The following CALCOCO2 variants were observed in gnomAD, a reference collection of about 807,000 sequenced individuals.
The protein encoded by CALCOCO2 is calcium binding and coiled-coil domain 2.
In CALCOCO2, 42 loss-of-function variants were observed where a neutral mutation model predicts 62.5. The observed-to-expected ratio is 0.67, with a 90% CI of 0.53 to 0.87. The LOEUF (loss-of-function observed/expected upper bound fraction) is 0.87, where lower values mean the gene tolerates loss of function less well. Among genes scored for constraint, CALCOCO2 ranks in the 40% least tolerant of loss-of-function variants. The pLI is 0.00. For synonymous variants in CALCOCO2, 167 were observed against 173.0 expected (o/e 0.97, Z 0.27); for missense variants, 456 against 515.0 (o/e 0.89, Z 1.11).
At chr17:48,859,497 G>A (rs1253959627) in intron 10 of CALCOCO2, among the ~76,000 whole-genome samples, 1 of 151,972 alleles carries the variant, frequency 6.6e-6, no homozygotes, top group Non-Finnish European at 1.5e-5. Context: ...AGCTACTAAG[G>A]AGGCTGAGGT....
At chr17:48,854,599 T>G in intron 9 of CALCOCO2, among the ~76,000 whole-genome samples, 1 of 149,218 alleles carries the variant, frequency 6.7e-6, no homozygotes, top group African/African-American at 2.5e-5. Context: ...AGAGACGGGG[T>G]TTTGCCATGT....
intron 7 of CALCOCO2, among the ~76,000 whole-genome samples, chr17:48,852,142 G>GAAA (rs58441130): frequency 1.6e-4 from 19 of 121,390 alleles, no homozygotes; most frequent in East Asian, 4.9e-4. Context: ...TGTCTCAAGA[G>GAAA]AAAAAAAAAA....
intron 9 of CALCOCO2, 149 bp downstream of exon 9, chr17:48,853,161 T>G: frequency 1.7e-6 from 1 of 600,976 alleles, no homozygotes. Context: ...GGACAGAGAA[T>G]CTGCCATTTA....
At chr17:48,856,362 C>T in intron 10 of CALCOCO2, 175 bp downstream of exon 10, 1 of 534,872 alleles carries the variant, frequency 1.9e-6, no homozygotes, top group South Asian at 2.2e-5. Flanking sequence ...ACCACAAAAC[C>T]CTGTCTTTAT....
chr17:48,839,694 T>TTTTTTTTC (rs1480224062), intron 1 of CALCOCO2, among the ~76,000 whole-genome samples: 1 of 137,064 alleles, frequency 7.3e-6, no homozygotes, highest in African/African-American at 2.7e-5. Context: ...TTTTTTTTTT[T>TTTTTTTTC]AAACGGAGTT....
intron 5 of CALCOCO2, 114 bp downstream of exon 5, chr17:48,849,491 C>T: frequency 2.3e-6 from 2 of 854,834 alleles, no homozygotes; most frequent in Non-Finnish European, 3.7e-6. Context: ...ATACCAGTAT[C>T]TTTGAACAGG....
rs1359262931 is a variant in CALCOCO2 at position 48,841,832 on chromosome 17, A to T, written c.125A>T (p.Tyr42Phe). 1 of 1,613,722 alleles carries T rather than the reference A, an allele frequency of 6.2e-7. No individual in the cohort carries two copies. The highest frequency in any genetic ancestry group is 8.5e-7 in the Non-Finnish European group (1 of 1,179,768). ...YIPGGDVTCH[Y>F]TFTQHFIPRR... is the part of the protein sequence containing the mutation. ...CCTGGAGGGGACGTCACATGTCATTATACCTTCACCCAGCATTTCATCCCT... is the reference window on the plus strand; with the variant it reads ...CCTGGAGGGGACGTCACATGTCATTTTACCTTCACCCAGCATTTCATCCCT... Residue 42 changes from tyrosine (Y) to phenylalanine (F), a missense_variant, in exon 2 of 13, where the codon TAT (tyrosine) becomes TTT (phenylalanine). By Grantham distance (22) the Tyr-to-Phe change is conservative. Around this residue, in one of 3 missense-constraint regions of CALCOCO2, gnomAD observed 48 missense variants for 79.3 expected, o/e 0.61. Transcript: ENST00000258947.
intron 9 of CALCOCO2, 180 bp from the exon 10 acceptor site, chr17:48,855,912 A>C (rs1290806899): frequency 5.9e-6 from 2 of 339,998 alleles, no homozygotes; most frequent in African/African-American, 4.3e-5. Context: ...TCAGGCCTTC[A>C]GGTGTCTTTT....
In CALCOCO2 at chr17:48,835,818, C is replaced by T. The variant is rs112969014; in HGVS notation, c.-11+4740C>T. 2.5e-3 allele frequency among the ~76,000 whole-genome samples: 380 copies of T among 151,902 alleles called. 3 individuals are homozygous for T. The highest frequency in any genetic ancestry group is 3.7e-3 in the Non-Finnish European group (254 of 67,982). On this transcript the variant is annotated intron_variant, in intron 1 of 12. Coordinates refer to ENST00000258947, the MANE Select transcript of CALCOCO2 (RefSeq NM_005831.5). ...AGGCTGGAGTGCAATGGCATAATCT[C>T]GGCTCACTGCAACCTCCGCCTCCTG...
chr17:48,846,371 C>G (rs773464618), intron 2 of CALCOCO2: 31 of 666,730 alleles, frequency 4.6e-5, no homozygotes, highest in Non-Finnish European at 6.5e-5. Flanking sequence ...AATGATGGAG[C>G]CTAAAGCAGG....
Position 48,863,928 on chromosome 17 carries a change from G to T in CALCOCO2, c.*923G>T, listed in dbSNP as rs2040359564. 1 of 152,056 alleles carries T rather than the reference G, an allele frequency of 6.6e-6. No homozygotes were observed. Among genetic ancestry groups the T allele is most frequent in the Non-Finnish European group, 1.5e-5 (1 of 68,026 alleles). 9.4% of individuals were successfully genotyped at this position (152,056 alleles called of 1,614,324 possible). ...ATTGTGATCAAAAGGGCTATGGGAA[G>T]GGCAGACCCCGCCAATGATTTCTCT... On this transcript the variant is annotated 3_prime_UTR_variant, in exon 13 of 13. Coordinates refer to ENST00000258947, the MANE Select transcript of CALCOCO2 (RefSeq NM_005831.5).
At position 48,848,045 on chromosome 17, in the gene CALCOCO2, G is replaced by A. The variant is rs1325944986; in HGVS notation, c.181-19G>A. On this transcript the variant is annotated intron_variant, in intron 2 of 12. Transcript: ENST00000258947. ...CAGTCCCCTTTCAGGTACTAAATAA[G>A]AACTTCTTGTCATTGCAGGTGGGGT... 6.9e-7 allele frequency: 1 copy of A among 1,448,416 alleles called. No individual in the cohort carries two copies. The highest frequency in any genetic ancestry group is 9.7e-7 in the Non-Finnish European group (1 of 1,032,802). 89.7% of individuals were successfully genotyped at this position (1,448,416 alleles called of 1,614,324 possible). A position where few individuals can be genotyped will look rare whatever the true frequency, so the allele number is the denominator to read the frequency against.
At position 48,842,755 on chromosome 17, in the gene CALCOCO2, C is replaced by G. The variant is rs181752169; in HGVS notation, c.180+868C>G. On this transcript the variant is annotated intron_variant, in intron 2 of 12. Transcript: ENST00000258947. Reference sequence around the variant, plus strand: ...TCCCAGGTTCAAGCGATTCTCCTGCCTCAGCCTCCAGAGTAGCTGGGATTA... The same window carrying G: ...TCCCAGGTTCAAGCGATTCTCCTGCGTCAGCCTCCAGAGTAGCTGGGATTA... 1.1e-3 allele frequency: 166 copies of G among 152,422 alleles called. 1 individual carries two copies. The highest frequency in any genetic ancestry group is 3.8e-3 in the African/African-American group (159 of 41,534). 9.4% of individuals were successfully genotyped at this position (152,422 alleles called of 1,614,324 possible).
intron 6 of CALCOCO2, 156 bp from the exon 7 acceptor site, chr17:48,851,403 T>C (rs892850114): frequency 6.3e-6 from 4 of 630,356 alleles, no homozygotes; most frequent in Non-Finnish European, 1.1e-5. Context: ...TGCAGTTTTT[T>C]GGAGTCAGGA....
chr17:48,852,866 GGT>G, intron 8 of CALCOCO2, 58 bp from the exon 9 acceptor site: 26 of 1,273,058 alleles, frequency 2.0e-5, no homozygotes, highest in Non-Finnish European at 2.5e-5. Flanking sequence ...GCCCTTCCAT[GGT>G]GTGTGTGTGC....
chr17:48,853,028 G>T lies in CALCOCO2; in HGVS notation c.912+16G>T. ...GGAATTAATGGCATGTCTGTCTTTG[G>T]ATGGTTATGTGGGAGGGAGCCTATA... On this transcript the variant is annotated intron_variant, in intron 9 of 12. Coordinates refer to ENST00000258947, the MANE Select transcript of CALCOCO2 (RefSeq NM_005831.5). 6.4e-7 allele frequency: 1 copy of T among 1,572,274 alleles called. No homozygotes were observed. The highest frequency in any genetic ancestry group is 8.8e-7 in the Non-Finnish European group (1 of 1,141,966).
At position 48,845,320 on chromosome 17, in the gene CALCOCO2, G is replaced by GGTGTGT. The variant is rs55686005; in HGVS notation, c.181-2719_181-2714dup. On this transcript the variant is annotated intron_variant, in intron 2 of 12. Coordinates refer to ENST00000258947, the MANE Select transcript of CALCOCO2 (RefSeq NM_005831.5). ...CACACTATGCTAGGCCTATGTTGAG[G>GGTGTGT]GTGTGTGTGTGTGTGTGTGTGTGTG... Among the ~76,000 whole-genome samples the GGTGTGT allele has an allele frequency of 3.6e-3, 495 of 137,238 alleles. 3 individuals are homozygous for GGTGTGT. Among genetic ancestry groups the GGTGTGT allele is most frequent in the Non-Finnish European group, 4.3e-3 (271 of 63,640 alleles). The allele number at this position is 137,238 out of a possible 152,430, so 90.0% of individuals were successfully genotyped here.
chr17:48,857,476 C>T (rs2040234803), intron 10 of CALCOCO2, among the ~76,000 whole-genome samples: 1 of 118,652 alleles, frequency 8.4e-6, no homozygotes, highest in Non-Finnish European at 1.8e-5. Flanking sequence ...GGATTACAGG[C>T]GTGAGCCACT....
At chr17:48,856,872 C>T (rs1437212452) in intron 10 of CALCOCO2, among the ~76,000 whole-genome samples, 5 of 151,460 alleles carry the variant, frequency 3.3e-5, no homozygotes, top group Non-Finnish European at 7.4e-5. Context: ...AAGCTTGGCT[C>T]ACTGCAGCCT....
Sources: allele counts gnomAD v4.1 joint callset (sites outside exome capture counted in the v4.1 genomes callset), GRCh38; gene constraint gnomAD v4.1.1; regional missense constraint gnomAD v4.1.1; transcripts MANE v1.5; gene names NCBI Gene and HGNC (gene_info 2026-07-23, HGNC 2026-07-21).